LDB2: variants seen among roughly 807,000 people sequenced by gnomAD.
LDB2 encodes the protein LIM domain binding 2, also known as LIM domain-binding protein 2.
In LDB2, 12 loss-of-function variants were observed where a neutral mutation model predicts 44.3. The ratio of observed to expected loss-of-function variants is 0.27; its 90% CI spans 0.17 to 0.44. LDB2 has a LOEUF of 0.44. Among genes scored for constraint, LDB2 ranks in the 20% least tolerant of loss-of-function variants. LDB2 has a pLI of 1.00. For missense variants in LDB2, 344 were observed against 473.5 expected, an observed-to-expected ratio of 0.73 and a Z score of 2.54; for synonymous variants, 164 against 174.8, an observed-to-expected ratio of 0.94 and a Z score of 0.49.
chr4:16,739,748 A>ACAT (rs1762857417), intron 2 of LDB2, among the ~76,000 whole-genome samples: 1 of 131,686 alleles, frequency 7.6e-6, no homozygotes, highest in Admixed American at 8.0e-5. Context: ...ACATACATAT[A>ACAT]CATATATATA....
At chr4:16,726,362 T>C (rs1579101087) in intron 2 of LDB2, 1 of 152,142 alleles carries the variant, frequency 6.6e-6, no homozygotes, top group African/African-American at 2.4e-5. Flanking sequence ...AAATCCAAAC[T>C]TGTAGAATTA....
intron 2 of LDB2, among the ~76,000 whole-genome samples, chr4:16,744,856 A>C (rs1277486653): frequency 1.3e-5 from 2 of 152,240 alleles, no homozygotes; most frequent in Non-Finnish European, 1.5e-5. Flanking sequence ...TGCCTTGAGC[A>C]AGTCAAAGCC....
chr4:16,564,520 A>G (rs148400822), intron 5 of LDB2, among the ~76,000 whole-genome samples: 65 of 152,354 alleles, frequency 4.3e-4, no homozygotes, highest in African/African-American at 1.5e-3. Context: ...AGAAGGCATC[A>G]TTGTCACCCC....
At chr4:16,684,267 T>C (rs1237891009) in intron 2 of LDB2, among the ~76,000 whole-genome samples, 1 of 152,220 alleles carries the variant, frequency 6.6e-6, no homozygotes, top group African/African-American at 2.4e-5. Flanking sequence ...GCAACAGTCA[T>C]GACTCGAAGC....
chr4:16,720,820 T>G (rs967161561), intron 2 of LDB2, among the ~76,000 whole-genome samples: 1 of 152,196 alleles, frequency 6.6e-6, no homozygotes, highest in African/African-American at 2.4e-5. Flanking sequence ...ACCAAGATCT[T>G]TAAAATCGTT....
intron 1 of LDB2, among the ~76,000 whole-genome samples, chr4:16,790,883 T>G (rs1350602685): frequency 3.4e-5 from 5 of 149,120 alleles, no homozygotes; most frequent in African/African-American, 1.2e-4. Context: ...TGTTAAATTG[T>G]GGTATCCTGA....
At chr4:16,858,612 C>G (rs915318694) in intron 1 of LDB2, among the ~76,000 whole-genome samples, 2 of 152,212 alleles carry the variant, frequency 1.3e-5, no homozygotes, top group African/African-American at 2.4e-5. Context: ...CGGTCCTCGA[C>G]TTTATCACCC....
intron 2 of LDB2, among the ~76,000 whole-genome samples, chr4:16,632,935 G>C (rs918478006): frequency 6.6e-6 from 1 of 152,130 alleles, no homozygotes; most frequent in Non-Finnish European, 1.5e-5. Flanking sequence ...TCCCATTACT[G>C]GGCATATACC....
intron 1 of LDB2, among the ~76,000 whole-genome samples, chr4:16,816,163 C>T (rs1780851099): frequency 6.6e-6 from 1 of 151,958 alleles, no homozygotes; most frequent in South Asian, 2.1e-4. Context: ...AGCGATCACG[C>T]CATGGCACTC....
At chr4:16,716,233 A>G (rs999147776) in intron 2 of LDB2, among the ~76,000 whole-genome samples, 1 of 152,190 alleles carries the variant, frequency 6.6e-6, no homozygotes, top group African/African-American at 2.4e-5. Flanking sequence ...CTGTCCTGCA[A>G]CAATGCTTCT....
chr4:16,517,248 A>G (rs1724093642), intron 5 of LDB2, among the ~76,000 whole-genome samples: 1 of 152,166 alleles, frequency 6.6e-6, no homozygotes, highest in Admixed American at 6.5e-5. Context: ...AATCCTCTAT[A>G]GCCCCATCCA....
chr4:16,672,476 G>A (rs147971306), intron 2 of LDB2, among the ~76,000 whole-genome samples: 6 of 152,270 alleles, frequency 3.9e-5, no homozygotes, highest in Admixed American at 3.3e-4. Flanking sequence ...TGCCCAGAGA[G>A]GCAAGAGTTA....
intron 1 of LDB2, among the ~76,000 whole-genome samples, chr4:16,821,992 C>T (rs182128013): frequency 1.6e-3 from 249 of 152,148 alleles, no homozygotes; most frequent in African/African-American, 5.1e-3. Context: ...GAGCTTTCAG[C>T]TGAGCAGGCT....
chr4:16,755,471 G>A (rs1025403575), intron 2 of LDB2, among the ~76,000 whole-genome samples: 4 of 117,842 alleles, frequency 3.4e-5, no homozygotes, highest in African/African-American at 1.2e-4. Flanking sequence ...TGTAGGAATA[G>A]GGTGTGTGTG....
chr4:16,525,499 A>G (rs1727875912), intron 5 of LDB2, among the ~76,000 whole-genome samples: 1 of 152,238 alleles, frequency 6.6e-6, no homozygotes. Flanking sequence ...GTGAAAAGTA[A>G]GATTCATGTT....
intron 5 of LDB2, among the ~76,000 whole-genome samples, chr4:16,562,874 C>T (rs370922279): frequency 6.6e-6 from 1 of 152,136 alleles, no homozygotes; most frequent in Non-Finnish European, 1.5e-5. Flanking sequence ...CACCATGGAA[C>T]ACTATGCAGC....
At chr4:16,696,684 G>A (rs1210117865) in intron 2 of LDB2, among the ~76,000 whole-genome samples, 2 of 152,176 alleles carry the variant, frequency 1.3e-5, no homozygotes, top group South Asian at 2.1e-4. Context: ...ACATTAGGGT[G>A]TTATTTTGTG....
chr4:16,740,600 T>C (rs1763053183), intron 2 of LDB2, among the ~76,000 whole-genome samples: 1 of 152,256 alleles, frequency 6.6e-6, no homozygotes, highest in Non-Finnish European at 1.5e-5. Context: ...GCTAATGTGA[T>C]ACTTGTCTAA....
At chr4:16,659,705 A>ATG (rs1741008036) in intron 2 of LDB2, among the ~76,000 whole-genome samples, 1 of 149,766 alleles carries the variant, frequency 6.7e-6, no homozygotes, top group Non-Finnish European at 1.5e-5. Context: ...ATGTATGTAT[A>ATG]TATGTAACAA....
Sources: gnomAD v4.1 joint callset for allele counts (sites outside exome capture counted in the v4.1 genomes callset) on GRCh38, gnomAD v4.1.1 for gene constraint, MANE v1.5 for transcripts, NCBI Gene and HGNC (gene_info 2026-07-23, HGNC 2026-07-21) for gene names.